ADGRL3: variants seen among roughly 807,000 people sequenced by gnomAD.
The protein encoded by ADGRL3 is adhesion G protein-coupled receptor L3, also known as calcium-independent alpha-latrotoxin receptor 3.
In ADGRL3, 62 loss-of-function variants were observed where a neutral mutation model predicts 153.5. That is an observed-to-expected ratio of 0.40 (90% CI 0.33 to 0.50). ADGRL3 has a LOEUF of 0.50. Among genes scored for constraint, ADGRL3 ranks in the 20% least tolerant of loss-of-function variants. ADGRL3 has a pLI of 0.47. For synonymous variants in ADGRL3, 710 were observed against 672.5 expected (o/e 1.06, Z -0.86); for missense variants, 1,641 against 1,859.4 (o/e 0.88, Z 2.16).
intron 1 of ADGRL3, among the ~76,000 whole-genome samples, chr4:61,381,850 T>G (rs2096672764): frequency 6.6e-6 from 1 of 151,912 alleles, no homozygotes; most frequent in Non-Finnish European, 1.5e-5. Flanking sequence ...GCCCAAGCAG[T>G]CAAGTGTGGC....
intron 5 of ADGRL3, among the ~76,000 whole-genome samples, chr4:61,642,780 T>A (rs2093747092): frequency 6.6e-6 from 1 of 152,212 alleles, no homozygotes; most frequent in African/African-American, 2.4e-5. Flanking sequence ...GGCTCTTTTT[T>A]GGTTCCATAT....
At chr4:62,043,341 C>T (rs1432476915) in intron 24 of ADGRL3, among the ~76,000 whole-genome samples, 1 of 152,002 alleles carries the variant, frequency 6.6e-6, no homozygotes, top group African/African-American at 2.4e-5. Context: ...AATTAACCAA[C>T]TAATAAAACA....
intron 2 of ADGRL3, among the ~76,000 whole-genome samples, chr4:61,460,997 G>A (rs113597809): frequency 5.1e-4 from 77 of 152,316 alleles, no homozygotes; most frequent in Non-Finnish European, 1.1e-3. Flanking sequence ...TTGAGCCTGG[G>A]AGGCAGAGGT....
At chr4:61,962,543 G>T (rs1362092243) in intron 17 of ADGRL3, among the ~76,000 whole-genome samples, 1 of 151,844 alleles carries the variant, frequency 6.6e-6, no homozygotes, top group African/African-American at 2.4e-5. Flanking sequence ...TAAAGTCCAG[G>T]TCAGTTGACC....
rs1013000228 is a variant in ADGRL3 at position 62,074,327 on chromosome 4, T to G, written c.*3419T>G. The G allele has an allele frequency of 2.0e-5, 3 of 152,160 alleles. No individual in the cohort carries two copies. The highest frequency in any genetic ancestry group is 4.4e-5 in the Non-Finnish European group (3 of 68,014). 9.4% of individuals were successfully genotyped at this position (152,160 alleles called of 1,614,324 possible). ...CTTGTCAAATAATATTTTTGTCACA[T>G]TTTTAGACTTGGTTGTTTTTCCTCT... On this transcript the variant is annotated 3_prime_UTR_variant, in exon 27 of 27. Coordinates refer to ENST00000683033, the MANE Select transcript of ADGRL3 (RefSeq NM_001387552.1).
chr4:61,393,337 A>G (rs1047244462), intron 2 of ADGRL3, among the ~76,000 whole-genome samples: 4 of 152,190 alleles, frequency 2.6e-5, no homozygotes, highest in Non-Finnish European at 5.9e-5. Context: ...TTGGTGCCTG[A>G]CAGAAATCCA....
At chr4:61,470,732 T>A (rs1430574778) in intron 2 of ADGRL3, among the ~76,000 whole-genome samples, 1 of 151,860 alleles carries the variant, frequency 6.6e-6, no homozygotes, top group East Asian at 1.9e-4. Flanking sequence ...TCATGTAATA[T>A]GGTTCATTTT....
At chr4:61,789,786 A>AG (rs1561254532) in intron 8 of ADGRL3, among the ~76,000 whole-genome samples, 2 of 152,210 alleles carry the variant, frequency 1.3e-5, no homozygotes, top group Non-Finnish European at 2.9e-5. Context: ...ACTAGAACAT[A>AG]CATTATGTAA....
chr4:62,045,362 G>C (rs574662305), intron 25 of ADGRL3, among the ~76,000 whole-genome samples: 27 of 152,010 alleles, frequency 1.8e-4, no homozygotes, highest in Admixed American at 9.2e-4. Flanking sequence ...AGTCAGCAAT[G>C]GGAAATATTT....
intron 1 of ADGRL3, among the ~76,000 whole-genome samples, chr4:61,371,374 GT>G (rs1578487965): frequency 6.6e-6 from 1 of 152,138 alleles, no homozygotes; most frequent in Non-Finnish European, 1.5e-5. Context: ...GGTACCGGTT[GT>G]TCCTTTCCAT....
At chr4:61,848,805 G>A (rs1341057681) in intron 9 of ADGRL3, among the ~76,000 whole-genome samples, 5 of 152,060 alleles carry the variant, frequency 3.3e-5, no homozygotes, top group African/African-American at 4.8e-5. Context: ...CTATGGCTAC[G>A]ATCTGTTCCA....
chr4:61,699,634 C>T (rs1003075554), intron 6 of ADGRL3, among the ~76,000 whole-genome samples: 6 of 152,002 alleles, frequency 3.9e-5, no homozygotes, highest in Non-Finnish European at 7.4e-5. Flanking sequence ...TTAATAGACC[C>T]ATTAGGATTT....
intron 2 of ADGRL3, among the ~76,000 whole-genome samples, chr4:61,457,066 G>A (rs544392755): frequency 6.6e-6 from 1 of 151,890 alleles, no homozygotes; most frequent in African/African-American, 2.4e-5. Flanking sequence ...TTATCATGAA[G>A]TACTATTCTT....
At chr4:62,018,684 G>T (rs1436643127) in intron 21 of ADGRL3, among the ~76,000 whole-genome samples, 1 of 152,166 alleles carries the variant, frequency 6.6e-6, no homozygotes, top group African/African-American at 2.4e-5. Context: ...AGGAAGGACG[G>T]AATGCTGACT....
In ADGRL3 at chr4:61,683,362, T is replaced by C. The variant is rs183622575; in HGVS notation, c.583+6427T>C. ...TAGCTCAGCTAGGTTCAAGTTCTTG[T>C]CTCACAACCAGGAAGCATTAGCCAC... On this transcript the variant is annotated intron_variant, in intron 6 of 26. Coordinates refer to ENST00000683033, the MANE Select transcript of ADGRL3 (RefSeq NM_001387552.1). 2.1e-3 allele frequency among the ~76,000 whole-genome samples: 323 copies of C among 152,250 alleles called. 3 individuals are homozygous for C. The highest frequency in any genetic ancestry group is 7.2e-3 in the African/African-American group (300 of 41,568).
intron 1 of ADGRL3, among the ~76,000 whole-genome samples, chr4:61,371,520 G>T (rs1396139595): frequency 6.6e-6 from 1 of 151,196 alleles, no homozygotes; most frequent in African/African-American, 2.4e-5. Context: ...GAAATTCTGG[G>T]TTGAAAATTC....
chr4:61,845,607 C>G (rs1454824733), intron 9 of ADGRL3, among the ~76,000 whole-genome samples: 1 of 151,432 alleles, frequency 6.6e-6, no homozygotes, highest in Non-Finnish European at 1.5e-5. Flanking sequence ...CTCACGTTAC[C>G]CTCCCTCCTG....
intron 9 of ADGRL3, among the ~76,000 whole-genome samples, chr4:61,843,454 G>A (rs2098064029): frequency 1.3e-5 from 2 of 152,038 alleles, no homozygotes; most frequent in Admixed American, 1.3e-4. Flanking sequence ...GTTATTGAAT[G>A]AAGGTCTCAT....
chr4:62,072,537 C>A lies in ADGRL3; in HGVS notation c.*1629C>A, dbSNP rs1350195825. The A allele has an allele frequency of 6.6e-6, 1 of 152,358 alleles. No individual in the cohort carries two copies. The highest frequency in any genetic ancestry group is 1.5e-5 in the Non-Finnish European group (1 of 68,008). The allele number at this position is 152,358 out of a possible 1,614,324, so 9.4% of individuals were successfully genotyped here. Reference sequence around the variant, plus strand: ...TTTTCAATACATAAACTTTGCTAATCCTCTGTGGCCCAAATGAGCCATGCA... The same window carrying A: ...TTTTCAATACATAAACTTTGCTAATACTCTGTGGCCCAAATGAGCCATGCA... On this transcript the variant is annotated 3_prime_UTR_variant, in exon 27 of 27. Coordinates refer to ENST00000683033, the MANE Select transcript of ADGRL3 (RefSeq NM_001387552.1).
Sources: gnomAD v4.1 joint callset for allele counts (sites outside exome capture counted in the v4.1 genomes callset) on GRCh38, gnomAD v4.1.1 for gene constraint, MANE v1.5 for transcripts, NCBI Gene and HGNC (gene_info 2026-07-23, HGNC 2026-07-21) for gene names.